MCTP1: variants seen among roughly 807,000 people sequenced by gnomAD.
The protein encoded by MCTP1 is multiple C2 and transmembrane domain-containing protein 1.
In MCTP1, 69 loss-of-function variants were observed where a neutral mutation model predicts 120.6. The ratio of observed to expected loss-of-function variants is 0.57; its 90% confidence interval spans 0.47 to 0.70. The LOEUF (loss-of-function observed/expected upper bound fraction) is 0.70. Ranked by LOEUF, MCTP1 falls within the 30% of genes least tolerant of loss-of-function variation. MCTP1 has a pLI of 0.00. For synonymous variants in MCTP1, 529 were observed against 493.1 expected, an observed-to-expected ratio of 1.07 and a Z score of -0.96; for missense variants, 1,203 against 1,248.8, an observed-to-expected ratio of 0.96 and a Z score of 0.55.
At chr5:95,144,692 C>G (rs1188989639) in intron 1 of MCTP1, among the ~76,000 whole-genome samples, 2 of 152,050 alleles carry the variant, frequency 1.3e-5, no homozygotes, top group Admixed American at 6.6e-5. Context: ...TTTTTGTCAG[C>G]TTTGTCAATG....
chr5:95,279,318 A>G (rs1234623326), intron 1 of MCTP1, among the ~76,000 whole-genome samples: 1 of 152,216 alleles, frequency 6.6e-6, no homozygotes, highest in Non-Finnish European at 1.5e-5. Flanking sequence ...TTTTCCCTCA[A>G]CATAACATAT....
chr5:95,219,377 A>C (rs1753417289), intron 1 of MCTP1, among the ~76,000 whole-genome samples: 1 of 132,110 alleles, frequency 7.6e-6, no homozygotes, highest in East Asian at 2.1e-4. Context: ...GTGAGACTCC[A>C]TCTCAAAAAA....
At chr5:95,108,519 A>G (rs962390307) in intron 1 of MCTP1, among the ~76,000 whole-genome samples, 5 of 152,232 alleles carry the variant, frequency 3.3e-5, no homozygotes, top group African/African-American at 9.6e-5. Flanking sequence ...GGGGATGGAA[A>G]TTGCAATGGA....
chr5:94,908,812 A>G (rs1336418541), intron 10 of MCTP1, among the ~76,000 whole-genome samples: 1 of 152,046 alleles, frequency 6.6e-6, no homozygotes, highest in Non-Finnish European at 1.5e-5. Context: ...AACTCTTTAC[A>G]GATTTATGAA....
intron 19 of MCTP1, among the ~76,000 whole-genome samples, chr5:94,723,813 A>ATT (rs1194787858): frequency 1.3e-5 from 2 of 152,154 alleles, no homozygotes; most frequent in Non-Finnish European, 2.9e-5. Context: ...AACAACAGGC[A>ATT]TTTTTAAGTG....
At chr5:95,104,171 A>T (rs1756936752) in intron 1 of MCTP1, among the ~76,000 whole-genome samples, 1 of 151,796 alleles carries the variant, frequency 6.6e-6, no homozygotes, top group Non-Finnish European at 1.5e-5. Flanking sequence ...ATTTAGACTT[A>T]CCCCCCCTCC....
At chr5:95,104,378 T>C (rs780140234) in intron 1 of MCTP1, among the ~76,000 whole-genome samples, 2 of 151,332 alleles carry the variant, frequency 1.3e-5, no homozygotes, top group Non-Finnish European at 2.9e-5. Flanking sequence ...AACTTTGTTA[T>C]GATTTACCCC....
At chr5:94,957,087 C>A (rs1581565640) in intron 2 of MCTP1, among the ~76,000 whole-genome samples, 2 of 152,288 alleles carry the variant, frequency 1.3e-5, no homozygotes, top group African/African-American at 4.8e-5. Flanking sequence ...ATTCTACAAG[C>A]CAGAAGAGAC....
intron 1 of MCTP1, among the ~76,000 whole-genome samples, chr5:95,195,858 C>T (rs1456996269): frequency 6.6e-6 from 1 of 152,050 alleles, no homozygotes; most frequent in East Asian, 1.9e-4. Flanking sequence ...GGATTAAAGA[C>T]CTTTCTCTAA....
rs758727332 is a variant in MCTP1, at chr5:94,917,961, G to T, written c.1285C>A (p.Pro429Thr). ...KSLFWRTCGR[P>T]ALPVLGFCRA... ...CAGAAGCCCAGGACAGGAAGAGCTG[G>T]CCTGCCGCACGTCTGGATGGAAATG... Residue 429 changes from proline (P) to threonine (T), a missense_variant, in exon 8 of 23, where the codon CCA becomes ACA. By Grantham distance (38) the Pro-to-Thr change is conservative. Around this residue, in one of 2 missense-constraint regions of MCTP1, gnomAD observed 740 missense variants for 871.1 expected, o/e 0.85. Coordinates refer to ENST00000515393, the MANE Select transcript of MCTP1 (RefSeq NM_024717.7). The T allele has an allele frequency of 6.2e-7, 1 of 1,613,746 alleles. No homozygotes were observed. The highest frequency in any genetic ancestry group is 8.5e-7 in the Non-Finnish European group (1 of 1,179,650).
chr5:94,852,271 GA>G (rs1248801224), intron 17 of MCTP1, among the ~76,000 whole-genome samples: 1 of 151,884 alleles, frequency 6.6e-6, no homozygotes, highest in Non-Finnish European at 1.5e-5. Flanking sequence ...ACTGTGAACA[GA>G]ATTAGTGAAA....
intron 1 of MCTP1, among the ~76,000 whole-genome samples, chr5:95,135,670 G>A (rs565998124): frequency 2.6e-5 from 4 of 152,298 alleles, no homozygotes; most frequent in East Asian, 3.9e-4. Context: ...CATTCTCCAA[G>A]TTCTTCAGTT....
intron 1 of MCTP1, among the ~76,000 whole-genome samples, chr5:95,037,311 T>C (rs1562056118): frequency 6.6e-6 from 1 of 152,170 alleles, no homozygotes; most frequent in Non-Finnish European, 1.5e-5. Context: ...ATGGAGTATT[T>C]CGAATGATGT....
chr5:94,858,092 C>T (rs1371040766), intron 17 of MCTP1, among the ~76,000 whole-genome samples: 1 of 151,614 alleles, frequency 6.6e-6, no homozygotes, highest in Non-Finnish European at 1.5e-5. Flanking sequence ...ATCTTAGCTA[C>T]CATTTAATCA....
chr5:94,869,729 A>T (rs905272166), intron 16 of MCTP1, among the ~76,000 whole-genome samples: 3 of 152,088 alleles, frequency 2.0e-5, no homozygotes, highest in Non-Finnish European at 2.9e-5. Context: ...TGTGAATCAG[A>T]TGTAAACGTT....
chr5:95,225,770 C>A (rs113724315), intron 1 of MCTP1, among the ~76,000 whole-genome samples: 1 of 152,092 alleles, frequency 6.6e-6, no homozygotes, highest in African/African-American at 2.4e-5. Flanking sequence ...TTTCCCTCTC[C>A]ATTCCCTCCC....
chr5:94,787,288 T>C (rs892870629), intron 18 of MCTP1, among the ~76,000 whole-genome samples: 1 of 152,186 alleles, frequency 6.6e-6, no homozygotes, highest in Non-Finnish European at 1.5e-5. Context: ...GTTACTAAGG[T>C]GCTTTAAATT....
chr5:95,280,444 C>T (rs1239632611), intron 1 of MCTP1, among the ~76,000 whole-genome samples: 1 of 152,238 alleles, frequency 6.6e-6, no homozygotes, highest in African/African-American at 2.4e-5. Context: ...TCATTCCTCA[C>T]TCTTTATCTT....
chr5:95,177,942 A>G (rs1748196873), intron 1 of MCTP1, among the ~76,000 whole-genome samples: 1 of 152,210 alleles, frequency 6.6e-6, no homozygotes, highest in African/African-American at 2.4e-5. Context: ...GGTGGTGGGA[A>G]AGCAAAAAAA....
Sources: allele counts gnomAD v4.1 joint callset (sites outside exome capture counted in the v4.1 genomes callset), GRCh38; gene constraint gnomAD v4.1.1; regional missense constraint gnomAD v4.1.1; transcripts MANE v1.5; gene names NCBI Gene and HGNC (gene_info 2026-07-23, HGNC 2026-07-21).